C17orf107: variants seen among roughly 807,000 people sequenced by gnomAD.
The protein encoded by C17orf107 is uncharacterized protein C17orf107.
Under a neutral mutation model 8.9 loss-of-function variants are expected in C17orf107, and 9 were observed. The observed-to-expected ratio is 1.02, with a 90% CI of 0.61 to 1.77. C17orf107 has a LOEUF of 1.77. Among genes scored for constraint, C17orf107 ranks in the 40% most tolerant of loss-of-function variants. The pLI is 0.00. For synonymous variants in C17orf107, 139 were observed against 120.3 expected, an observed-to-expected ratio of 1.16 and a Z score of -1.02; for missense variants, 281 against 249.0, an observed-to-expected ratio of 1.13 and a Z score of -0.86.
chr17:4,904,780 G>A (rs531994266), downstream of C17orf107, among the ~76,000 whole-genome samples: 1 of 152,312 alleles, frequency 6.6e-6, no homozygotes, highest in African/African-American at 2.4e-5. Flanking sequence ...CTATGAGGTA[G>A]GTCATAATCA....
In C17orf107 at chr17:4,901,571, G is replaced by A. The variant is rs137952354; in HGVS notation, c.*1038G>A. ...TGTCGATCTTGTTGATGGTCTTGCC[G>A]TCGTTGTCTACGGCAAAAGTGAACT... is the stretch of plus-strand genomic sequence containing the variant. On this transcript the variant is annotated 3_prime_UTR_variant, in exon 3 of 3. Transcript: ENST00000381365. The A allele has an allele frequency of 1.8e-4, 288 of 1,614,188 alleles. 1 individual carries two copies. In the African/African-American group the frequency reaches 2.7e-3, roughly 15 times the overall value.
rs1567638676 is a variant in C17orf107 at position 4,901,080 on chromosome 17, G to A, written c.*547G>A. 3 of 1,613,880 alleles carry A rather than the reference G, an allele frequency of 1.9e-6. No individual in the cohort carries two copies. The highest frequency in any genetic ancestry group is 2.5e-6 in the Non-Finnish European group (3 of 1,179,970). Reference sequence around the variant, plus strand: ...TTAATGACGTAGAAGAGCGGCTTCCGGCGGATGATGAGCGAGTAGATGACG... The same window carrying A: ...TTAATGACGTAGAAGAGCGGCTTCCAGCGGATGATGAGCGAGTAGATGACG... On this transcript the variant is annotated 3_prime_UTR_variant, in exon 3 of 3. Transcript: ENST00000381365.
chr17:4,903,159 G>A (rs748144899), downstream of C17orf107: 32 of 1,214,868 alleles, frequency 2.6e-5, no homozygotes, highest in East Asian at 7.4e-5. Context: ...TGTTAGTTCC[G>A]GGCTGTTAGG....
chr17:4,900,857 C>G lies in C17orf107; in HGVS notation c.*324C>G, dbSNP rs1597618794. The G allele has an allele frequency of 6.2e-7, 1 of 1,614,084 alleles. No individual in the cohort carries two copies. Among genetic ancestry groups the G allele is most frequent in the African/African-American group, 1.3e-5 (1 of 74,952 alleles). ...TTCTGGGCAATGAGGAACAAGAAGA[C>G]GGTCTGGGCGAGCAGGACGTTGATG... On this transcript the variant is annotated 3_prime_UTR_variant, in exon 3 of 3. Coordinates refer to ENST00000381365, the MANE Select transcript of C17orf107 (RefSeq NM_001145536.2).
Position 4,902,885 on chromosome 17 carries a change from T to C in C17orf107, c.*2352T>C. 1.3e-6 allele frequency: 2 copies of C among 1,583,552 alleles called. No individual in the cohort carries two copies. Among genetic ancestry groups the C allele is most frequent in the South Asian group, 2.2e-5 (2 of 90,418 alleles). On this transcript the variant is annotated 3_prime_UTR_variant, in exon 3 of 3. Transcript: ENST00000381365. This position sits in a 1 kb window ranked among gnomAD's most constrained non-coding sequence, Gnocchi z 4.0. ...CTGTGTACTATCAGTATCTGTCTCCTAAACCAATTATGCTGTGCCTGGGAA... is the reference window on the plus strand; with the variant it reads ...CTGTGTACTATCAGTATCTGTCTCCCAAACCAATTATGCTGTGCCTGGGAA...
downstream of C17orf107, among the ~76,000 whole-genome samples, chr17:4,903,853 TCC>T (rs748252570): frequency 2.0e-4 from 31 of 152,222 alleles, no homozygotes; most frequent in South Asian, 1.5e-3. Context: ...CTTTTGATGT[TCC>T]TTTTTAAAAA....
In C17orf107 at chr17:4,902,213, T is replaced by G; in HGVS notation, c.*1680T>G. ...TCCAGCCTGGCGTCTGGCCCGGTTCTCACTTGTTTTCCAGCACAATCTCTG... is the reference window on the plus strand; with the variant it reads ...TCCAGCCTGGCGTCTGGCCCGGTTCGCACTTGTTTTCCAGCACAATCTCTG... On this transcript the variant is annotated 3_prime_UTR_variant, in exon 3 of 3. Coordinates refer to ENST00000381365, the MANE Select transcript of C17orf107 (RefSeq NM_001145536.2). This position sits in a 1 kb window ranked among gnomAD's most constrained non-coding sequence, Gnocchi z 4.0. The G allele has an allele frequency of 2.5e-6, 4 of 1,613,942 alleles. No individual in the cohort carries two copies. The highest frequency in any genetic ancestry group is 3.4e-6 in the Non-Finnish European group (4 of 1,179,954).
chr17:4,901,006 G>C lies in C17orf107; in HGVS notation c.*473G>C. 6.2e-7 allele frequency: 1 copy of C among 1,614,002 alleles called. No homozygotes were observed. The highest frequency in any genetic ancestry group is 2.2e-5 in the East Asian group (1 of 44,878). ...ACTGCTTACCCTGCGCCGGCAGGAA[G>C]TAGGCGAGCAGCACCAGGCCCGAGA... is the stretch of plus-strand genomic sequence containing the variant. On this transcript the variant is annotated 3_prime_UTR_variant, in exon 3 of 3. Coordinates refer to ENST00000381365, the MANE Select transcript of C17orf107 (RefSeq NM_001145536.2).
chr17:4,902,375 C>A lies in C17orf107; in HGVS notation c.*1842C>A, dbSNP rs767412916. On this transcript the variant is annotated 3_prime_UTR_variant, in exon 3 of 3. Transcript: ENST00000381365. This position sits in a 1 kb window ranked among gnomAD's most constrained non-coding sequence, Gnocchi z 4.0. The stretch of plus-strand genomic sequence containing the variant: ...CGCGTGCCCTGCATCTCCCACCTGG[C>A]GCTGCCTGGGAGGGGTTTGGGGGAA... 3.7e-6 allele frequency: 6 copies of A among 1,613,222 alleles called. No homozygotes were observed. The Admixed American group carries it at 8.3e-5, about 22-fold the overall frequency.
downstream of C17orf107, among the ~76,000 whole-genome samples, chr17:4,904,775 A>G (rs1258726272): frequency 6.6e-6 from 1 of 152,158 alleles, no homozygotes; most frequent in Non-Finnish European, 1.5e-5. Flanking sequence ...CCCACCTATG[A>G]GGTAGGTCAT....
Position 4,901,802 on chromosome 17 carries a change from C to G in C17orf107, c.*1269C>G. On this transcript the variant is annotated 3_prime_UTR_variant, in exon 3 of 3. Coordinates refer to ENST00000381365, the MANE Select transcript of C17orf107 (RefSeq NM_001145536.2). ...CCTCCGGCCGCGCTGGAGCGTCCCA[C>G]CCAGTGCCTACGCCTGGCTCCGCCT... 2 of 1,405,708 alleles carry G rather than the reference C, an allele frequency of 1.4e-6. No individual in the cohort carries two copies. Among genetic ancestry groups the G allele is most frequent in the Admixed American group, 3.5e-5 (2 of 57,820 alleles). The allele number at this position is 1,405,708 out of a possible 1,614,324, so 87.1% of individuals were successfully genotyped here. A position where few individuals can be genotyped will look rare whatever the true frequency, so the allele number is the denominator to read the frequency against.
In C17orf107 at chr17:4,901,891, C is replaced by CG. The variant is rs1555546936; in HGVS notation, c.*1358_*1359insG. The CG allele has an allele frequency of 6.2e-5, 99 of 1,606,322 alleles. No homozygotes were observed. In the East Asian group the frequency reaches 1.8e-3, roughly 29 times the overall value. On this transcript the variant is annotated 3_prime_UTR_variant, in exon 3 of 3. Coordinates refer to ENST00000381365, the MANE Select transcript of C17orf107 (RefSeq NM_001145536.2). The stretch of plus-strand genomic sequence containing the variant: ...TTGGCCCCGCCCCATAAGGCCCCCC[C>CG]CCAACAATAATCGTCCGGGCCTCGG...
In C17orf107 at chr17:4,902,849, G is replaced by A; in HGVS notation, c.*2316G>A. 15 of 1,598,210 alleles carry A rather than the reference G, an allele frequency of 9.4e-6. No homozygotes were observed. Among genetic ancestry groups the A allele is most frequent in the Non-Finnish European group, 1.3e-5 (15 of 1,166,536 alleles). ...CCTCTGCCTCCCCTGGGTCCTCACA[G>A]GCCTCTGAGGCTGTGTACTATCAGT... On this transcript the variant is annotated 3_prime_UTR_variant, in exon 3 of 3. Transcript: ENST00000381365. This position sits in a 1 kb window ranked among gnomAD's most constrained non-coding sequence, Gnocchi z 4.0.
In C17orf107 at chr17:4,900,338, C is replaced by G. The variant is rs1027440508; in HGVS notation, c.378C>G (p.Ala126=). The change falls in exon 3 of 3, where the codon GCC becomes GCG. Residue 126 remains alanine (A), a synonymous_variant. Coordinates refer to ENST00000381365, the MANE Select transcript of C17orf107 (RefSeq NM_001145536.2). ...CGGGTGCAGCGCTGAGCCGGGTAGC[C>G]CAAGCCGCAGGGCAGGGGGTTCGGC... ...RDPGAALSRV[A]QAAGQGVRQA... is the part of the protein sequence containing the mutation. 9 of 1,546,392 alleles carry G rather than the reference C, an allele frequency of 5.8e-6. No individual in the cohort carries two copies. In the African/African-American group the frequency reaches 1.2e-4, roughly 21 times the overall value.
Position 4,901,326 on chromosome 17 carries a change from G to T in C17orf107, c.*793G>T, listed in dbSNP as rs975071666. ...GATGGGGGCAATTACGGACAGAAAA[G>T]GGCATTCTCGTTGAGGGTATGGAAA... On this transcript the variant is annotated 3_prime_UTR_variant, in exon 3 of 3. Transcript: ENST00000381365. 2.5e-5 allele frequency: 26 copies of T among 1,042,506 alleles called. No homozygotes were observed. In the East Asian group the frequency reaches 2.8e-4, roughly 11 times the overall value. 64.6% of individuals were successfully genotyped at this position (1,042,506 alleles called of 1,614,324 possible).
At chr17:4,899,867 T>G (rs1969906729) in intron 1 of C17orf107, 39 bp downstream of exon 1, 1 of 1,544,646 alleles carries the variant, frequency 6.5e-7, no homozygotes, top group African/African-American at 1.4e-5. Flanking sequence ...CTCGAGACCT[T>G]CTGGGTAGGT....
chr17:4,903,283 G>T (rs1006861346), downstream of C17orf107, among the ~76,000 whole-genome samples: 1 of 152,098 alleles, frequency 6.6e-6, no homozygotes, highest in Non-Finnish European at 1.5e-5. Context: ...CCAGCCCAGC[G>T]TCCTTTGCCT....
chr17:4,901,276 C>G lies in C17orf107; in HGVS notation c.*743C>G. 1 of 1,469,614 alleles carries G rather than the reference C, an allele frequency of 6.8e-7. No homozygotes were observed. The highest frequency in any genetic ancestry group is 1.4e-5 in the African/African-American group (1 of 72,092). 91.0% of individuals were successfully genotyped at this position (1,469,614 alleles called of 1,614,324 possible). On this transcript the variant is annotated 3_prime_UTR_variant, in exon 3 of 3. Transcript: ENST00000381365. Reference sequence around the variant, plus strand: ...GGGCTGAAGAGGAGGCTGCGGCTGTCTGCACCAGGGTCATGGGCCGTCAGG... The same window carrying G: ...GGGCTGAAGAGGAGGCTGCGGCTGTGTGCACCAGGGTCATGGGCCGTCAGG...
In C17orf107 at chr17:4,901,872, C is replaced by G; in HGVS notation, c.*1339C>G. 2 of 1,424,862 alleles carry G rather than the reference C, an allele frequency of 1.4e-6. No individual in the cohort carries two copies. Among genetic ancestry groups the G allele is most frequent in the Non-Finnish European group, 9.9e-7 (1 of 1,012,684 alleles). 88.3% of individuals were successfully genotyped at this position (1,424,862 alleles called of 1,614,324 possible). A position where few individuals can be genotyped will look rare whatever the true frequency, so the allele number is the denominator to read the frequency against. ...CGAGGGCGGTGCTTCCCGGTTGGCC[C>G]CGCCCCATAAGGCCCCCCCCCAACA... is the stretch of plus-strand genomic sequence containing the variant. On this transcript the variant is annotated 3_prime_UTR_variant, in exon 3 of 3. Coordinates refer to ENST00000381365, the MANE Select transcript of C17orf107 (RefSeq NM_001145536.2).
Sources: allele counts gnomAD v4.1 joint callset (sites outside exome capture counted in the v4.1 genomes callset), GRCh38; gene constraint gnomAD v4.1.1; non-coding constraint Gnocchi (gnomAD v3.1); transcripts MANE v1.5; gene names NCBI Gene and HGNC (gene_info 2026-07-23, HGNC 2026-07-21).